The following CNTNAP4 variants were observed in gnomAD, a reference collection of about 807,000 sequenced individuals.
CNTNAP4 encodes the protein contactin-associated protein-like 4.
CNTNAP4 carries 98 observed loss-of-function variants against 148.4 expected under a neutral mutation model. The observed-to-expected ratio is 0.66, with a 90% CI of 0.56 to 0.78. The LOEUF (loss-of-function observed/expected upper bound fraction) is 0.78, where lower values mean the gene tolerates loss of function less well. Among genes scored for constraint, CNTNAP4 ranks in the 30% least tolerant of loss-of-function variants. The probability of loss-of-function intolerance (pLI) is 0.00; values close to 1 mark genes in which losing one functional copy is unlikely to be tolerated. For synonymous variants in CNTNAP4, 730 were observed against 565.1 expected, an observed-to-expected ratio of 1.29 and a Z score of -4.14; for missense variants, 1,935 against 1,565.6, an observed-to-expected ratio of 1.24 and a Z score of -3.98.
At chr16:76,531,544 G>A (rs1051102587) in intron 17 of CNTNAP4, among the ~76,000 whole-genome samples, 1 of 152,136 alleles carries the variant, frequency 6.6e-6, no homozygotes, top group African/African-American at 2.4e-5. Context: ...ATATAACATG[G>A]CAGGTAAATT....
chr16:76,378,279 C>G (rs2144679223), intron 3 of CNTNAP4, among the ~76,000 whole-genome samples: 1 of 152,006 alleles, frequency 6.6e-6, no homozygotes, highest in Non-Finnish European at 1.5e-5. Flanking sequence ...CTAAATCTAT[C>G]AAATTAAAAA....
intron 8 of CNTNAP4, among the ~76,000 whole-genome samples, chr16:76,457,211 C>A (rs371221147): frequency 6.6e-6 from 1 of 152,168 alleles, no homozygotes; most frequent in Non-Finnish European, 1.5e-5. Flanking sequence ...GACCTAGTAA[C>A]GGAAAGGAGT....
chr16:76,343,037 T>C (rs1203691829), intron 2 of CNTNAP4, among the ~76,000 whole-genome samples: 3 of 151,836 alleles, frequency 2.0e-5, no homozygotes, highest in Non-Finnish European at 2.9e-5. Context: ...AATGCAAGGG[T>C]GTGGATAAGA....
chr16:76,344,771 A>C (rs1964767332), intron 2 of CNTNAP4, among the ~76,000 whole-genome samples: 1 of 152,224 alleles, frequency 6.6e-6, no homozygotes, highest in Non-Finnish European at 1.5e-5. Context: ...AGCCTCTGCT[A>C]GATAAAGTCA....
chr16:76,362,202 C>G (rs1374660976), intron 3 of CNTNAP4, among the ~76,000 whole-genome samples: 1 of 151,942 alleles, frequency 6.6e-6, no homozygotes, highest in African/African-American at 2.4e-5. Flanking sequence ...ACCATGGGAA[C>G]AAAAGAGCTG....
intron 15 of CNTNAP4, among the ~76,000 whole-genome samples, chr16:76,514,227 G>A (rs1473294672): frequency 6.6e-6 from 1 of 152,162 alleles, no homozygotes. Context: ...GAGGGATGAT[G>A]CAGTGGCAAA....
chr16:76,310,676 A>G (rs777310425), intron 1 of CNTNAP4, among the ~76,000 whole-genome samples: 2 of 152,112 alleles, frequency 1.3e-5, no homozygotes, highest in African/African-American at 2.4e-5. Context: ...TGTAATGGAT[A>G]TTTTTATGGG....
At chr16:76,484,275 G>GAAAAAAAAAAAAAAAAAA (rs10622949) in intron 12 of CNTNAP4, among the ~76,000 whole-genome samples, 1 of 71,228 alleles carries the variant, frequency 1.4e-5, no homozygotes, top group African/African-American at 5.6e-5. Flanking sequence ...GGAGAGAAAT[G>GAAAAAAAAAAAAAAAAAA]AAAAAAAAAA....
intron 3 of CNTNAP4, among the ~76,000 whole-genome samples, chr16:76,382,025 C>T (rs1026721930): frequency 1.6e-5 from 2 of 125,158 alleles, no homozygotes; most frequent in African/African-American, 6.0e-5. Context: ...CGCGCCACTG[C>T]GCTCTAGCCT....
intron 12 of CNTNAP4, among the ~76,000 whole-genome samples, chr16:76,487,361 T>G (rs1329345373): frequency 6.6e-6 from 1 of 152,220 alleles, no homozygotes; most frequent in Non-Finnish European, 1.5e-5. Context: ...GATCACAAAC[T>G]ATTGCTATTC....
At chr16:76,429,843 G>T (rs1425728395) in intron 4 of CNTNAP4, among the ~76,000 whole-genome samples, 2 of 152,136 alleles carry the variant, frequency 1.3e-5, no homozygotes, top group Non-Finnish European at 2.9e-5. Context: ...TTTTCACATT[G>T]ACCCATGGTT....
intron 3 of CNTNAP4, among the ~76,000 whole-genome samples, chr16:76,407,987 G>C (rs564559342): frequency 9.1e-4 from 139 of 151,976 alleles, no homozygotes; most frequent in African/African-American, 3.2e-3. Flanking sequence ...AGTCAGCAGC[G>C]ATCAATATCG....
At chr16:76,343,764 A>C (rs115988452) in intron 2 of CNTNAP4, among the ~76,000 whole-genome samples, 1 of 152,050 alleles carries the variant, frequency 6.6e-6, no homozygotes, top group African/African-American at 2.4e-5. Flanking sequence ...TGATGAGGTA[A>C]AGAAATCATT....
chr16:76,378,577 G>T (rs577833769), intron 3 of CNTNAP4, among the ~76,000 whole-genome samples: 1 of 152,362 alleles, frequency 6.6e-6, no homozygotes, highest in African/African-American at 2.4e-5. Flanking sequence ...GAAATGGACA[G>T]ACAAGGGGAC....
At chr16:76,322,844 GT>G (rs35671026) in intron 2 of CNTNAP4, among the ~76,000 whole-genome samples, 9 of 147,850 alleles carry the variant, frequency 6.1e-5, no homozygotes, top group Admixed American at 1.3e-4. Context: ...TTTATTTTTT[GT>G]TTTTTTTTTG....
At chr16:76,332,567 A>G (rs527246468) in intron 2 of CNTNAP4, among the ~76,000 whole-genome samples, 1 of 152,024 alleles carries the variant, frequency 6.6e-6, no homozygotes, top group South Asian at 2.1e-4. Flanking sequence ...TTTTTATACT[A>G]TTTTTATTGA....
In CNTNAP4 at chr16:76,427,486, T is replaced by C; in HGVS notation, c.425T>C (p.Val142Ala). The change falls in exon 4 of 24, where the codon GTG becomes GCG. Residue 142 changes from valine (V) to alanine (A), a missense_variant. Val to Ala is a moderately conservative substitution (Grantham distance 64). Coordinates refer to ENST00000611870, the MANE Select transcript of CNTNAP4 (RefSeq NM_033401.5). ...FSGNANADSV[V>A]YYRLQPSIKA... is the part of the protein sequence containing the mutation. ...GGAAATGCAAATGCAGACAGTGTTGTGTACTATAGACTCCAGCCTTCTATC... is the reference window on the plus strand; with the variant it reads ...GGAAATGCAAATGCAGACAGTGTTGCGTACTATAGACTCCAGCCTTCTATC... The C allele has an allele frequency of 6.2e-7, 1 of 1,612,366 alleles. No homozygotes were observed.
At chr16:76,411,377 A>AAAT (rs2078785326) in intron 3 of CNTNAP4, among the ~76,000 whole-genome samples, 1 of 151,444 alleles carries the variant, frequency 6.6e-6, no homozygotes, top group Non-Finnish European at 1.5e-5. Flanking sequence ...AATAGAATAT[A>AAAT]CAGGTAAATG....
intron 15 of CNTNAP4, among the ~76,000 whole-genome samples, chr16:76,517,115 T>G (rs1194827879): frequency 1.3e-5 from 2 of 152,184 alleles, no homozygotes; most frequent in Non-Finnish European, 1.5e-5. Flanking sequence ...CTCAAAAGAC[T>G]GCATATTTTA....
Sources: gnomAD v4.1 joint callset for allele counts (sites outside exome capture counted in the v4.1 genomes callset) on GRCh38, gnomAD v4.1.1 for gene constraint, MANE v1.5 for transcripts, NCBI Gene and HGNC (gene_info 2026-07-23, HGNC 2026-07-21) for gene names.